Variants in DCDC1 observed in about 807,000 individuals in gnomAD.
DCDC1 encodes doublecortin domain-containing protein 1.
DCDC1 carries 200 observed loss-of-function variants against 178.3 expected under a neutral mutation model. That is an observed-to-expected ratio of 1.12 (90% CI 1.00 to 1.26). DCDC1 has a LOEUF of 1.26. Among genes scored for constraint, DCDC1 ranks in the 50% most tolerant of loss-of-function variants. DCDC1 has a pLI of 0.00. For synonymous variants in DCDC1, 690 were observed against 604.8 expected (o/e 1.14, Z -2.07); for missense variants, 1,983 against 1,749.2 (o/e 1.13, Z -2.38).
chr11:30,872,310 C>A (rs1451945495), intron 38 of DCDC1, among the ~76,000 whole-genome samples: 1 of 152,090 alleles, frequency 6.6e-6, no homozygotes, highest in Non-Finnish European at 1.5e-5. Flanking sequence ...ACTTGAAATA[C>A]AGCTAGTCTG....
intron 20 of DCDC1, among the ~76,000 whole-genome samples, chr11:31,064,267 A>G (rs1318596387): frequency 6.6e-6 from 1 of 152,186 alleles, no homozygotes; most frequent in African/African-American, 2.4e-5. Flanking sequence ...TATAATAATA[A>G]ACAATAACAT....
At chr11:31,139,160 A>G (rs1024545997) in intron 9 of DCDC1, among the ~76,000 whole-genome samples, 1 of 152,112 alleles carries the variant, frequency 6.6e-6, no homozygotes, top group African/African-American at 2.4e-5. Flanking sequence ...TCATGCTACA[A>G]TGGCAGAGTC....
intron 20 of DCDC1, among the ~76,000 whole-genome samples, chr11:31,012,538 G>A (rs1381392393): frequency 1.3e-5 from 2 of 151,420 alleles, no homozygotes; most frequent in African/African-American, 4.9e-5. Context: ...CTGAGAGGTT[G>A]AGCCTGCAGT....
At chr11:30,963,500 G>A (rs1021866313) in intron 20 of DCDC1, among the ~76,000 whole-genome samples, 3 of 152,100 alleles carry the variant, frequency 2.0e-5, no homozygotes, top group African/African-American at 7.2e-5. Flanking sequence ...ATGTATCAAA[G>A]TTCTGGCCAG....
At chr11:31,334,227 A>G (rs1406197384) in intron 2 of DCDC1, among the ~76,000 whole-genome samples, 1 of 152,156 alleles carries the variant, frequency 6.6e-6, no homozygotes, top group East Asian at 1.9e-4. Flanking sequence ...TTTCAGCTCC[A>G]TCAGGTCATT....
intron 3 of DCDC1, chr11:31,314,368 A>G (rs1948940715): frequency 2.6e-5 from 4 of 152,144 alleles, no homozygotes. Flanking sequence ...TTACTTCTCC[A>G]TCCATTATTA....
intron 20 of DCDC1, among the ~76,000 whole-genome samples, chr11:31,054,113 A>G (rs1284624135): frequency 6.6e-6 from 1 of 152,132 alleles, no homozygotes; most frequent in Non-Finnish European, 1.5e-5. Flanking sequence ...CTAATAAAAG[A>G]ATTCGGCAAA....
intron 29 of DCDC1, 144 bp from the exon 30 acceptor site, chr11:30,906,869 TAAATTTAGCCAAAATGCTATATTAA>T: frequency 1.2e-6 from 1 of 824,370 alleles, no homozygotes; most frequent in Non-Finnish European, 1.7e-6. Flanking sequence ...AAATTTAGCA[TAAATTTAGCCAAAATGCTATATTAA>T]AAAATTTAAA....
chr11:31,046,810 A>G (rs1414322549), intron 20 of DCDC1, among the ~76,000 whole-genome samples: 3 of 152,086 alleles, frequency 2.0e-5, no homozygotes, highest in Non-Finnish European at 2.9e-5. Flanking sequence ...ACATATAAAA[A>G]CATCCATTCT....
intron 8 of DCDC1, chr11:31,262,558 T>C (rs1944868635): frequency 6.6e-6 from 1 of 152,320 alleles, no homozygotes; most frequent in Admixed American, 6.5e-5. Context: ...TGCTATGATT[T>C]TAACATTAGA....
intron 1 of DCDC1, among the ~76,000 whole-genome samples, chr11:31,360,838 T>C (rs1951673119): frequency 6.6e-6 from 1 of 152,204 alleles, no homozygotes; most frequent in Non-Finnish European, 1.5e-5. Flanking sequence ...GGAATCATCA[T>C]TCTGATTCCG....
At chr11:30,987,659 T>C (rs113123000) in intron 20 of DCDC1, among the ~76,000 whole-genome samples, 3,068 of 152,244 alleles carry the variant, frequency 0.02, 92 homozygotes, top group African/African-American at 0.069. Flanking sequence ...TTTTAAGTAT[T>C]TGGGGCCAGA....
intron 34 of DCDC1, among the ~76,000 whole-genome samples, chr11:30,897,514 C>T (rs1433537265): frequency 7.6e-6 from 1 of 131,718 alleles, no homozygotes; most frequent in African/African-American, 2.9e-5. Context: ...ACCCGGGAGG[C>T]GGAGCTTGCA....
chr11:31,034,743 T>A (rs1953911965), intron 20 of DCDC1, among the ~76,000 whole-genome samples: 1 of 152,216 alleles, frequency 6.6e-6, no homozygotes, highest in African/African-American at 2.4e-5. Context: ...AAGGATACAT[T>A]TCACAGAATA....
chr11:31,212,954 AAG>A (rs1396535832), intron 9 of DCDC1, among the ~76,000 whole-genome samples: 2 of 152,086 alleles, frequency 1.3e-5, no homozygotes, highest in Non-Finnish European at 2.9e-5. Flanking sequence ...GTACTACGTG[AAG>A]AAGAAATTCT....
At chr11:31,286,505 T>C (rs922386083) in intron 7 of DCDC1, among the ~76,000 whole-genome samples, 1 of 151,930 alleles carries the variant, frequency 6.6e-6, no homozygotes, top group Non-Finnish European at 1.5e-5. Context: ...CATTTTTATC[T>C]ATAAAAATCA....
chr11:31,131,441 T>C (rs1962429728), intron 10 of DCDC1, among the ~76,000 whole-genome samples: 1 of 152,202 alleles, frequency 6.6e-6, no homozygotes, highest in Non-Finnish European at 1.5e-5. Flanking sequence ...AAAGTTGTAA[T>C]ATTTAAAATA....
chr11:31,095,532 C>G (rs898523327), intron 15 of DCDC1, among the ~76,000 whole-genome samples: 9 of 152,224 alleles, frequency 5.9e-5, no homozygotes, highest in South Asian at 2.1e-4. Context: ...TAGAGGATAA[C>G]AGATTGTAGA....
chr11:31,313,827 C>A (rs1242719462), intron 3 of DCDC1, among the ~76,000 whole-genome samples: 1 of 152,114 alleles, frequency 6.6e-6, no homozygotes, highest in Non-Finnish European at 1.5e-5. Context: ...AAAAACAAAA[C>A]ACAACAAAAC....
Sources: allele counts gnomAD v4.1 joint callset (sites outside exome capture counted in the v4.1 genomes callset), GRCh38; gene constraint gnomAD v4.1.1; transcripts MANE v1.5; gene names NCBI Gene and HGNC (gene_info 2026-07-23, HGNC 2026-07-21).